Variants in CC2D2B observed in about 807,000 individuals in gnomAD.
CC2D2B encodes the protein protein CC2D2B.
CC2D2B carries 128 observed loss-of-function variants against 161.2 expected under a neutral mutation model. The observed-to-expected ratio is 0.79, with a 90% CI of 0.69 to 0.92. The LOEUF is 0.92. Among genes scored for constraint, CC2D2B ranks in the 40% least tolerant of loss-of-function variants. The pLI, the probability that CC2D2B is intolerant of heterozygous loss-of-function variation, is 0.00. For missense variants in CC2D2B, 1,173 were observed against 1,375.1 expected (o/e 0.85, Z 2.32); for synonymous variants, 391 against 449.8 (o/e 0.87, Z 1.65).
In CC2D2B at chr10:95,966,156, A is replaced by G. The variant is rs1010940737; in HGVS notation, c.1354-34A>G. 5.9e-6 allele frequency: 5 copies of G among 849,198 alleles called. No individual in the cohort carries two copies. The East Asian group carries it at 1.0e-4, about 17-fold the overall frequency. 52.6% of individuals were successfully genotyped at this position (849,198 alleles called of 1,614,324 possible). On this transcript the variant is annotated intron_variant, in intron 13 of 34. Transcript: ENST00000646931. ...ATAAATGTCCTACACAGGGATGTAC[A>G]TGGCAAATCATATATTTATTTTTTG...
intron 12 of CC2D2B, among the ~76,000 whole-genome samples, chr10:95,965,655 A>G (rs1210777588): frequency 1.3e-5 from 2 of 152,082 alleles, no homozygotes; most frequent in African/African-American, 4.8e-5. Context: ...AAAGGGCTGT[A>G]AACACTAATG....
chr10:95,992,451 C>T (rs2077994627), intron 21 of CC2D2B, 76 bp from the exon 22 acceptor site: 2 of 1,096,546 alleles, frequency 1.8e-6, no homozygotes, highest in Non-Finnish European at 2.3e-6. Context: ...GGTCTCATTT[C>T]AATTACTCAA....
chr10:95,960,425 T>C (rs1365164562), intron 11 of CC2D2B, among the ~76,000 whole-genome samples: 1 of 152,180 alleles, frequency 6.6e-6, no homozygotes, highest in African/African-American at 2.4e-5. Flanking sequence ...AGGAAAAGCA[T>C]GAAGAGATAT....
intron 33 of CC2D2B, among the ~76,000 whole-genome samples, chr10:96,025,172 TATATATATATATAAA>T (rs2079667124): frequency 5.7e-5 from 1 of 17,626 alleles, no homozygotes; most frequent in African/African-American, 2.1e-4. Context: ...TATATATATA[TATATATATATATAAA>T]AAAAAATATA....
intron 17 of CC2D2B, among the ~76,000 whole-genome samples, chr10:95,979,362 G>A (rs1338649699): frequency 1.3e-5 from 2 of 152,182 alleles, no homozygotes; most frequent in Admixed American, 1.3e-4. Context: ...CTGGTGAGCT[G>A]TGAGCCTGGT....
chr10:95,963,009 C>T (rs182422059), intron 12 of CC2D2B, among the ~76,000 whole-genome samples: 22 of 152,178 alleles, frequency 1.4e-4, no homozygotes, highest in Non-Finnish European at 2.9e-5. Context: ...ACTCTTGTTG[C>T]CACTATTCTG....
chr10:95,926,629 C>T (rs2098538988), intron 5 of CC2D2B, among the ~76,000 whole-genome samples: 2 of 151,586 alleles, frequency 1.3e-5, no homozygotes, highest in Non-Finnish European at 2.9e-5. Flanking sequence ...ATTCCTTTCC[C>T]AAGCCTTCCT....
rs1175038678 is a variant in CC2D2B, at chr10:96,025,154, AATAT to A, written c.3947+271_3947+274del. ...GGAGACGTCATCTCTACTAAAAAAA[AATAT>A]ATATATATATATATATATATATATA... On this transcript the variant is annotated intron_variant, in intron 33 of 34. Transcript: ENST00000646931. Among the ~76,000 whole-genome samples the A allele has an allele frequency of 1.3e-3, 27 of 20,076 alleles. No homozygotes were observed. In the South Asian group the frequency reaches 0.027, roughly 20 times the overall value. The allele number at this position is 20,076 out of a possible 152,430, so 13.2% of individuals were successfully genotyped here. A position where few individuals can be genotyped will look rare whatever the true frequency, so the allele number is the denominator to read the frequency against.
At chr10:96,025,154 A>ATAT (rs1554853730) in intron 33 of CC2D2B, among the ~76,000 whole-genome samples, 43 of 20,076 alleles carry the variant, frequency 2.1e-3, no homozygotes, top group Admixed American at 0.021. Context: ...ACTAAAAAAA[A>ATAT]ATATATATAT....
intron 9 of CC2D2B, among the ~76,000 whole-genome samples, chr10:95,947,754 T>TA (rs571836060): frequency 6.7e-4 from 89 of 133,212 alleles, no homozygotes; most frequent in Middle Eastern, 3.8e-3. Flanking sequence ...TCTCAAGAAA[T>TA]AAAAAAAAAA....
Position 96,004,237 on chromosome 10 carries a change from G to A in CC2D2B, c.2935G>A (p.Glu979Lys). The A allele has an allele frequency of 6.9e-7, 1 of 1,445,148 alleles. No individual in the cohort carries two copies. The allele number at this position is 1,445,148 out of a possible 1,614,324, so 89.5% of individuals were successfully genotyped here. A position where few individuals can be genotyped will look rare whatever the true frequency, so the allele number is the denominator to read the frequency against. ...CAACATTTTTGATGAAATGATGACT[G>A]AAAAACATGAGGTAAAGTAGAATAA... ...YINIFDEMMT[E>K]KHEDHCLKSC... The change falls in exon 25 of 35, where the codon GAA (glutamate) becomes AAA (lysine). Residue 979 changes from glutamate (E) to lysine (K), a missense_variant. Glu to Lys is a moderately conservative substitution (Grantham distance 56, BLOSUM62 1). Coordinates refer to ENST00000646931, the MANE Select transcript of CC2D2B (RefSeq NM_001349008.3).
rs968100476 is a variant in CC2D2B at position 95,994,628 on chromosome 10, G to A, written c.2643-641G>A. Among the ~76,000 whole-genome samples, 146 of 152,294 alleles carry A rather than the reference G, an allele frequency of 9.6e-4. 1 individual carries two copies. The highest frequency in any genetic ancestry group is 3.4e-3 in the African/African-American group (142 of 41,566). ...AACGAGTGCCTTCCCAGACACTGGC[G>A]TTACCGCTTGACCAAGGAGCCCTCA... On this transcript the variant is annotated intron_variant, in intron 22 of 34. Transcript: ENST00000646931.
intron 33 of CC2D2B, among the ~76,000 whole-genome samples, chr10:96,026,559 G>A (rs2079786500): frequency 6.6e-6 from 1 of 152,100 alleles, no homozygotes; most frequent in African/African-American, 2.4e-5. Flanking sequence ...GTCAAGGGAG[G>A]GTCTTGAAGA....
intron 12 of CC2D2B, among the ~76,000 whole-genome samples, chr10:95,964,927 C>T (rs1250949384): frequency 6.6e-6 from 1 of 152,128 alleles, no homozygotes; most frequent in Non-Finnish European, 1.5e-5. Context: ...AAGAAACCAT[C>T]TTCCCATTAG....
At chr10:95,938,440 G>A in intron 7 of CC2D2B, 129 bp from the exon 8 acceptor site, 2 of 602,336 alleles carry the variant, frequency 3.3e-6, no homozygotes, top group Non-Finnish European at 5.9e-6. Flanking sequence ...GTAAGAGACA[G>A]TGAGAGAGAG....
chr10:96,027,090 T>G, intron 33 of CC2D2B, 122 bp from the exon 34 acceptor site: 1 of 678,482 alleles, frequency 1.5e-6, no homozygotes, highest in Non-Finnish European at 2.3e-6. Context: ...ACCATTGCAC[T>G]CCAGCCTGGG....
intron 5 of CC2D2B, among the ~76,000 whole-genome samples, chr10:95,926,840 G>GTGTGTC (rs2098539792): frequency 9.3e-6 from 1 of 108,022 alleles, no homozygotes; most frequent in South Asian, 2.8e-4. Context: ...GTGTGTGTGT[G>GTGTGTC]TGTGTGTCTG....
At position 96,029,262 on chromosome 10, in the gene CC2D2B, A is replaced by ATG. The variant is rs1400218876; in HGVS notation, c.4125+1874_4125+1875insGT. ...GTACCATATATATATATATATATAT[A>ATG]TATATATATATATATATATATATGT... On this transcript the variant is annotated intron_variant, in intron 34 of 34. Coordinates refer to ENST00000646931, the MANE Select transcript of CC2D2B (RefSeq NM_001349008.3). 7.4e-3 allele frequency among the ~76,000 whole-genome samples: 457 copies of ATG among 61,580 alleles called. 3 individuals are homozygous for ATG. Among genetic ancestry groups the ATG allele is most frequent in the African/African-American group, 0.038 (435 of 11,536 alleles). 40.4% of individuals were successfully genotyped at this position (61,580 alleles called of 152,430 possible).
At chr10:96,016,651 G>A (rs898281426) in intron 30 of CC2D2B, among the ~76,000 whole-genome samples, 2 of 152,196 alleles carry the variant, frequency 1.3e-5, no homozygotes, top group Non-Finnish European at 2.9e-5. Context: ...TGGTAATGTA[G>A]TAATAGTTAT....
Sources: gnomAD v4.1 joint callset for allele counts (sites outside exome capture counted in the v4.1 genomes callset) on GRCh38, gnomAD v4.1.1 for gene constraint, MANE v1.5 for transcripts, NCBI Gene and HGNC (gene_info 2026-07-23, HGNC 2026-07-21) for gene names.